SMYD5: variants seen among roughly 807,000 people sequenced by gnomAD.
The protein encoded by SMYD5 is SMYD family member 5, also known as protein-lysine N-trimethyltransferase SMYD5.
Under a neutral mutation model 57.4 loss-of-function variants are expected in SMYD5, and 35 were observed. The observed-to-expected ratio is 0.61, with a 90% confidence interval of 0.47 to 0.81. The LOEUF is 0.81. Among genes scored for constraint, SMYD5 ranks in the 30% least tolerant of loss-of-function variants. SMYD5 has a pLI of 0.00. For missense variants in SMYD5, 471 were observed against 527.9 expected, an observed-to-expected ratio of 0.89 and a Z score of 1.06; for synonymous variants, 198 against 189.7, an observed-to-expected ratio of 1.04 and a Z score of -0.36.
In SMYD5 at chr2:73,226,195, C is replaced by T. The variant is rs1223202779; in HGVS notation, c.*249C>T. 10 of 533,332 alleles carry T rather than the reference C, an allele frequency of 1.9e-5. No homozygotes were observed. The highest frequency in any genetic ancestry group is 3.3e-5 in the Non-Finnish European group (10 of 303,160). 33.0% of individuals were successfully genotyped at this position (533,332 alleles called of 1,614,324 possible). On this transcript the variant is annotated 3_prime_UTR_variant, in exon 13 of 13. Transcript: ENST00000389501. ...ACTGAGCCTTTCACAACTGGCCTCC[C>T]CTTGAGGTTCCTCCACTCTAGGGTT...
rs61755313 is a variant in SMYD5 at position 73,223,482 on chromosome 2, G to A, written c.833G>A (p.Arg278His). Residue 278 changes from arginine to histidine, a missense_variant, in exon 9 of 13, where the codon CGT becomes CAT. Arg to His is a conservative substitution (Grantham distance 29, BLOSUM62 0). Coordinates refer to ENST00000389501, the MANE Select transcript of SMYD5 (RefSeq NM_006062.3). ...ACTCTGGAGTTGAAGCCTCAGGACC[G>A]TGAGCAGCTTGACGCCTTCATTGAC... ...CDTLELKPQD[R>H]EQLDAFIDQL... 3.5e-3 allele frequency: 5,652 copies of A among 1,614,140 alleles called. 16 individuals carry two copies. Among genetic ancestry groups the A allele is most frequent in the Non-Finnish European group, 4.4e-3 (5,243 of 1,179,968 alleles).
chr2:73,223,983 T>A lies in SMYD5; in HGVS notation c.920T>A (p.Leu307His). The change falls in exon 10 of 13, where the codon CTC becomes CAC. Residue 307 changes from leucine to histidine, a missense_variant. Coordinates refer to ENST00000389501, the MANE Select transcript of SMYD5 (RefSeq NM_006062.3). Reference protein sequence around the residue: ...GEFLNCEGSGLFVLQSCCNHS... With the variant: ...GEFLNCEGSGHFVLQSCCNHS... ...TTTCTTAACTGTGAAGGATCTGGCCTCTTTGTGCTTCAGAGCTGCTGTGAG... is the reference window on the plus strand; with the variant it reads ...TTTCTTAACTGTGAAGGATCTGGCCACTTTGTGCTTCAGAGCTGCTGTGAG... 1 of 1,614,180 alleles carries A rather than the reference T, an allele frequency of 6.2e-7. No individual in the cohort carries two copies. Among genetic ancestry groups the A allele is most frequent in the South Asian group, 1.1e-5 (1 of 91,082 alleles).
rs753053712 is a variant in SMYD5 at position 73,223,027 on chromosome 2, C to G, written c.706-9C>G. The G allele has an allele frequency of 2.0e-5, 32 of 1,612,800 alleles. No individual in the cohort carries two copies. In the African/African-American group the frequency reaches 3.9e-4, roughly 20 times the overall value. Reference sequence around the variant, plus strand: ...GTAATGAGCACTCATCTCTTTTTTCCCCCCACAGTGGTTCACTCCAGATGG... The same window carrying G: ...GTAATGAGCACTCATCTCTTTTTTCGCCCCACAGTGGTTCACTCCAGATGG... On this transcript the variant is annotated splice_polypyrimidine_tract_variant and intron_variant, in intron 7 of 12. Coordinates refer to ENST00000389501, the MANE Select transcript of SMYD5 (RefSeq NM_006062.3).
At chr2:73,221,355 G>A in intron 5 of SMYD5, 121 bp downstream of exon 5, 1 of 782,722 alleles carries the variant, frequency 1.3e-6, no homozygotes, top group Non-Finnish European at 2.2e-6. Context: ...CTTCCCAAAG[G>A]AGAGCTCCTT....
rs764457417 is a variant in SMYD5 at position 73,220,079 on chromosome 2, G to A, written c.234G>A (p.Glu78=). Residue 78 remains glutamate, a synonymous_variant, in exon 3 of 13, where the codon GAG becomes GAA. Coordinates refer to ENST00000389501, the MANE Select transcript of SMYD5 (RefSeq NM_006062.3). ...GTGACCACTGCCTTAGGGCACTAGAGAAGGCAGAGGAGAATGCCCAGAGGC... is the reference window on the plus strand; with the variant it reads ...GTGACCACTGCCTTAGGGCACTAGAAAAGGCAGAGGAGAATGCCCAGAGGC... ...RACDHCLRAL[E]KAEENAQRLT... 8 of 1,614,222 alleles carry A rather than the reference G, an allele frequency of 5.0e-6. No individual in the cohort carries two copies. Among genetic ancestry groups the A allele is most frequent in the Non-Finnish European group, 6.8e-6 (8 of 1,180,034 alleles).
intron 2 of SMYD5, 139 bp from the exon 3 acceptor site, chr2:73,219,912 T>G: frequency 1.0e-6 from 1 of 984,910 alleles, no homozygotes; most frequent in Non-Finnish European, 1.6e-6. Context: ...TGCATGTAAT[T>G]ATTCATTTAC....
rs1219466534 is a variant in SMYD5, at chr2:73,227,092, C to T, written c.*1146C>T. ...AGGGCAGGTGCCCACCCCACAGGCC[C>T]TTTCCTGGACCATGGAGCCAGGTGA... On this transcript the variant is annotated 3_prime_UTR_variant, in exon 13 of 13. Coordinates refer to ENST00000389501, the MANE Select transcript of SMYD5 (RefSeq NM_006062.3). 2 of 152,758 alleles carry T rather than the reference C, an allele frequency of 1.3e-5. No individual in the cohort carries two copies. The highest frequency in any genetic ancestry group is 4.8e-5 in the African/African-American group (2 of 41,472). 9.5% of individuals were successfully genotyped at this position (152,758 alleles called of 1,614,324 possible). A position where few individuals can be genotyped will look rare whatever the true frequency, so the allele number is the denominator to read the frequency against.
chr2:73,220,158 A>G lies in SMYD5; in HGVS notation c.313A>G (p.Lys105Glu), dbSNP rs1382926880. 5 of 1,614,044 alleles carry G rather than the reference A, an allele frequency of 3.1e-6. No individual in the cohort carries two copies. The highest frequency in any genetic ancestry group is 4.2e-6 in the Non-Finnish European group (5 of 1,180,038). ...TCACCCAGAGCTGTGCACTGTGCGC[A>G]AAGACCTCCACCAGAACTGTCCCCA... ...LPHPELCTVRKDLHQNCPHCQ... is the reference protein window; with the variant it reads ...LPHPELCTVREDLHQNCPHCQ... The change falls in exon 3 of 13, where the codon AAA becomes GAA. Residue 105 changes from lysine (K) to glutamate (E), a missense_variant. Lys to Glu is a moderately conservative substitution (Grantham distance 56). Coordinates refer to ENST00000389501, the MANE Select transcript of SMYD5 (RefSeq NM_006062.3).
Position 73,214,260 on chromosome 2 carries a change from G to A in SMYD5, c.-7G>A, listed in dbSNP as rs1238134438. ...GTTAAGGGTCATAAGGCGGAGGCGC[G>A]CCCAAGATGGCGGCCTCCATGTGCG... On this transcript the variant is annotated 5_prime_UTR_variant, in exon 1 of 13. Coordinates refer to ENST00000389501, the MANE Select transcript of SMYD5 (RefSeq NM_006062.3). The A allele has an allele frequency of 6.2e-7, 1 of 1,613,508 alleles. No homozygotes were observed. Among genetic ancestry groups the A allele is most frequent in the Admixed American group, 1.7e-5 (1 of 60,014 alleles).
intron 3 of SMYD5, among the ~76,000 whole-genome samples, chr2:73,220,430 T>G (rs1257167354): frequency 6.6e-6 from 1 of 152,174 alleles, no homozygotes; most frequent in African/African-American, 2.4e-5. Flanking sequence ...GAGCTTGCTT[T>G]CTTCCTGGGG....
chr2:73,225,696 C>T lies in SMYD5; in HGVS notation c.1101C>T (p.Ile367=), dbSNP rs1686488111. 1.2e-6 allele frequency: 2 copies of T among 1,614,142 alleles called. No homozygotes were observed. The highest frequency in any genetic ancestry group is 1.1e-5 in the South Asian group (1 of 91,088). Residue 367 remains isoleucine (I), a synonymous_variant, in exon 12 of 13, where the codon ATC becomes ATT. Transcript: ENST00000389501. ...RERSRHSRHK[I]LRENYLFVCS... Reference sequence around the variant, plus strand: ...GCAGCCGCCACAGCCGCCACAAGATCCTCAGGTGCCAGCTGGGGACATGGT... The same window carrying T: ...GCAGCCGCCACAGCCGCCACAAGATTCTCAGGTGCCAGCTGGGGACATGGT...
intron 1 of SMYD5, among the ~76,000 whole-genome samples, chr2:73,217,445 T>C (rs1222741138): frequency 6.6e-6 from 1 of 152,210 alleles, no homozygotes; most frequent in African/African-American, 2.4e-5. Context: ...TCAGAAATAA[T>C]GTGAGTCCCT....
intron 1 of SMYD5, among the ~76,000 whole-genome samples, chr2:73,215,677 C>G (rs1686282079): frequency 6.6e-6 from 1 of 152,134 alleles, no homozygotes; most frequent in South Asian, 2.1e-4. Context: ...TTCATTTCTT[C>G]CCTCTCGCTT....
At position 73,225,998 on chromosome 2, in the gene SMYD5, C is replaced by T. The variant is rs1686495276; in HGVS notation, c.*52C>T. ...CCCTAGACCCTGCCAGAAAAGGGGG[C>T]TCTTCCCCCAGAGAAGTGGCTTGGA... is the stretch of plus-strand genomic sequence containing the variant. On this transcript the variant is annotated 3_prime_UTR_variant, in exon 13 of 13. Transcript: ENST00000389501. The T allele has an allele frequency of 3.9e-6, 6 of 1,545,366 alleles. No homozygotes were observed. The East Asian group carries it at 9.5e-5, about 24-fold the overall frequency.
intron 3 of SMYD5, 81 bp downstream of exon 3, chr2:73,220,271 C>A: frequency 6.8e-7 from 1 of 1,479,030 alleles, no homozygotes; most frequent in Non-Finnish European, 9.3e-7. Flanking sequence ...GAGACAGGAG[C>A]AGCGACAGAC....
At chr2:73,215,583 C>G (rs527538108) in intron 1 of SMYD5, among the ~76,000 whole-genome samples, 2 of 152,288 alleles carry the variant, frequency 1.3e-5, no homozygotes, top group African/African-American at 4.8e-5. Context: ...GTTTGAAGGC[C>G]TCTCAGTTCC....
chr2:73,219,889 A>C, intron 2 of SMYD5, 162 bp from the exon 3 acceptor site: 1 of 851,566 alleles, frequency 1.2e-6, no homozygotes, highest in South Asian at 1.4e-5. Flanking sequence ...AAATTCATTC[A>C]TCCATTCATC....
chr2:73,223,740 G>C (rs72809940), intron 9 of SMYD5, among the ~76,000 whole-genome samples: 6 of 152,136 alleles, frequency 3.9e-5, no homozygotes, highest in African/African-American at 1.4e-4. Context: ...TGGGAGGAGG[G>C]GGGTGCTGGA....
chr2:73,216,078 G>C (rs1156882330), intron 1 of SMYD5, among the ~76,000 whole-genome samples: 2 of 152,120 alleles, frequency 1.3e-5, no homozygotes, highest in African/African-American at 4.8e-5. Flanking sequence ...ACTGTTTATT[G>C]CTTCTGTGGA....
Sources: allele counts gnomAD v4.1 joint callset (sites outside exome capture counted in the v4.1 genomes callset), GRCh38; gene constraint gnomAD v4.1.1; transcripts MANE v1.5; gene names NCBI Gene and HGNC (gene_info 2026-07-23, HGNC 2026-07-21).